ADAMTSL3: variants seen among roughly 807,000 people sequenced by gnomAD.
ADAMTSL3 encodes ADAMTS-like protein 3.
ADAMTSL3 carries 128 observed loss-of-function variants against 201.7 expected under a neutral mutation model. The ratio of observed to expected loss-of-function variants is 0.63; its 90% CI spans 0.55 to 0.73. ADAMTSL3 has a LOEUF of 0.73. Among genes scored for constraint, ADAMTSL3 ranks in the 30% least tolerant of loss-of-function variants. The pLI, the probability that ADAMTSL3 is intolerant of heterozygous loss-of-function variation, is 0.00. For synonymous variants in ADAMTSL3, 738 were observed against 748.4 expected (o/e 0.99, Z 0.23); for missense variants, 1,990 against 2,119.6 (o/e 0.94, Z 1.20).
At position 83,696,698 on chromosome 15, in the gene ADAMTSL3, CTGGAT is replaced by C. The variant is rs765776359; in HGVS notation, c.70-7690_70-7686del. ...ATAATTGGGCAAATTTGCCATCAGC[CTGGAT>C]AGGTAGAGGGCTCAGGCCTCAGCCC... On this transcript the variant is annotated intron_variant, in intron 2 of 29. Transcript: ENST00000286744. Among the ~76,000 whole-genome samples the C allele has an allele frequency of 2.8e-3, 428 of 152,272 alleles. 2 individuals carry two copies. The highest frequency in any genetic ancestry group is 4.7e-3 in the Non-Finnish European group (319 of 68,026).
chr15:83,989,709 A>G (rs939025183), intron 22 of ADAMTSL3, among the ~76,000 whole-genome samples: 1 of 152,252 alleles, frequency 6.6e-6, no homozygotes, highest in African/African-American at 2.4e-5. Context: ...GGCACAAAGT[A>G]TGCTTCCTGA....
intron 23 of ADAMTSL3, among the ~76,000 whole-genome samples, chr15:83,995,026 A>G (rs1012452856): frequency 1.3e-5 from 2 of 152,190 alleles, no homozygotes; most frequent in Non-Finnish European, 2.9e-5. Context: ...AGTCTCACCA[A>G]GCCCCCTTGA....
intron 5 of ADAMTSL3, among the ~76,000 whole-genome samples, chr15:83,811,322 A>G (rs1274557854): frequency 6.6e-6 from 1 of 152,212 alleles, no homozygotes; most frequent in African/African-American, 2.4e-5. Context: ...ATTTCAAAAC[A>G]GTATGATTTC....
In ADAMTSL3 at chr15:83,726,847, A is replaced by G. The variant is rs188238431; in HGVS notation, c.189+22339A>G. Among the ~76,000 whole-genome samples the G allele has an allele frequency of 4.8e-4, 73 of 151,606 alleles. 1 individual carries two copies. In the East Asian group the frequency reaches 0.013, roughly 27 times the overall value. ...GTGTTAATCAGGGGTATTGGCCTGT[A>G]GTTTTCTTTTTTCTTTTTTTTTTGT... On this transcript the variant is annotated intron_variant, in intron 3 of 29. Coordinates refer to ENST00000286744, the MANE Select transcript of ADAMTSL3 (RefSeq NM_207517.3).
intron 6 of ADAMTSL3, among the ~76,000 whole-genome samples, chr15:83,828,137 T>C (rs1271262445): frequency 6.6e-6 from 1 of 152,224 alleles, no homozygotes; most frequent in Non-Finnish European, 1.5e-5. Context: ...ATTTTCACGA[T>C]ATTGATTCTT....
At chr15:83,910,649 T>C (rs1403218701) in intron 15 of ADAMTSL3, among the ~76,000 whole-genome samples, 1 of 151,104 alleles carries the variant, frequency 6.6e-6, no homozygotes, top group Non-Finnish European at 1.5e-5. Context: ...TTTTTTTTTT[T>C]TTTGAGATGG....
chr15:83,840,282 TG>T (rs1345511956), intron 7 of ADAMTSL3, among the ~76,000 whole-genome samples: 1 of 152,204 alleles, frequency 6.6e-6, no homozygotes, highest in African/African-American at 2.4e-5. Context: ...CAATGTTAAA[TG>T]CTTTTATGAG....
chr15:84,037,182 C>T (rs929813899), intron 29 of ADAMTSL3, among the ~76,000 whole-genome samples, 195 bp downstream of exon 29: 1 of 152,134 alleles, frequency 6.6e-6, no homozygotes, highest in African/African-American at 2.4e-5. Flanking sequence ...TGCATGTTCT[C>T]TAGAGAAAAG....
chr15:83,731,249 G>A (rs1596105251), intron 3 of ADAMTSL3, among the ~76,000 whole-genome samples: 1 of 151,900 alleles, frequency 6.6e-6, no homozygotes, highest in East Asian at 1.9e-4. Flanking sequence ...TTAAAAAATG[G>A]GCAAATGGCA....
In ADAMTSL3 at chr15:84,016,555, G is replaced by T. The variant is rs142048587; in HGVS notation, c.4273+56G>T. ...ATGTGTGAGGCATGTGTAAGGAAAA[G>T]GATTTAGCTAAAAGACCATCTGTAT... On this transcript the variant is annotated intron_variant, in intron 25 of 29. Coordinates refer to ENST00000286744, the MANE Select transcript of ADAMTSL3 (RefSeq NM_207517.3). 6,335 of 1,392,786 alleles carry T rather than the reference G, an allele frequency of 4.5e-3. 26 individuals carry two copies. The highest frequency in any genetic ancestry group is 0.012 in the South Asian group (1,022 of 82,922). 86.3% of individuals were successfully genotyped at this position (1,392,786 alleles called of 1,614,324 possible). A position where few individuals can be genotyped will look rare whatever the true frequency, so the allele number is the denominator to read the frequency against.
chr15:83,936,046 G>A (rs1355451003), intron 17 of ADAMTSL3, among the ~76,000 whole-genome samples: 2 of 151,986 alleles, frequency 1.3e-5, no homozygotes. Flanking sequence ...CAGAAGGAAG[G>A]TCTGAGATAT....
intron 19 of ADAMTSL3, among the ~76,000 whole-genome samples, chr15:83,951,042 A>G (rs1261838359): frequency 1.4e-5 from 2 of 146,090 alleles, no homozygotes; most frequent in Non-Finnish European, 3.0e-5. Flanking sequence ...AACTAGGACT[A>G]CTAGGACTAT....
chr15:83,657,208 C>T (rs577957397), intron 2 of ADAMTSL3, among the ~76,000 whole-genome samples: 23 of 92,650 alleles, frequency 2.5e-4, no homozygotes, highest in African/African-American at 1.1e-3. Context: ...GGGGCTGAGG[C>T]TTCAAGGCAC....
At chr15:83,857,639 A>C (rs1040552177) in intron 7 of ADAMTSL3, among the ~76,000 whole-genome samples, 1 of 152,234 alleles carries the variant, frequency 6.6e-6, no homozygotes, top group Non-Finnish European at 1.5e-5. Context: ...AGAAGTGATT[A>C]TCTCTGGGCA....
chr15:83,778,419 C>T (rs893128454), intron 4 of ADAMTSL3, among the ~76,000 whole-genome samples: 1 of 152,210 alleles, frequency 6.6e-6, no homozygotes, highest in East Asian at 1.9e-4. Context: ...TAACAGCAGA[C>T]TTCTCAGCTG....
chr15:83,703,148 C>A (rs1044715171), intron 2 of ADAMTSL3, among the ~76,000 whole-genome samples: 6 of 152,224 alleles, frequency 3.9e-5, no homozygotes, highest in Non-Finnish European at 7.4e-5. Context: ...TTTGTTTTGG[C>A]CAATTTCTCC....
In ADAMTSL3 at chr15:84,016,608, T is replaced by C. The variant is rs1035933269; in HGVS notation, c.4273+109T>C. On this transcript the variant is annotated intron_variant, in intron 25 of 29. Coordinates refer to ENST00000286744, the MANE Select transcript of ADAMTSL3 (RefSeq NM_207517.3). ...TTCACTTTGCAATATGTAAAATTAT[T>C]TCTAGGCATTTGGCCAGCCTTTTTC... 3 of 916,718 alleles carry C rather than the reference T, an allele frequency of 3.3e-6. No homozygotes were observed. The African/African-American group carries it at 5.0e-5, about 15-fold the overall frequency. 56.8% of individuals were successfully genotyped at this position (916,718 alleles called of 1,614,324 possible).
intron 20 of ADAMTSL3, among the ~76,000 whole-genome samples, chr15:83,973,050 C>A (rs1161088469): frequency 6.6e-6 from 1 of 152,158 alleles, no homozygotes; most frequent in Non-Finnish European, 1.5e-5. Context: ...GGACACACCA[C>A]CACCAGGACC....
intron 19 of ADAMTSL3, among the ~76,000 whole-genome samples, chr15:83,958,877 C>T (rs1015752404): frequency 6.6e-6 from 1 of 151,866 alleles, no homozygotes; most frequent in Non-Finnish European, 1.5e-5. Context: ...CTAGAAGAAA[C>T]TCAAGAATGA....
Sources: gnomAD v4.1 joint callset for allele counts (sites outside exome capture counted in the v4.1 genomes callset) on GRCh38, gnomAD v4.1.1 for gene constraint, MANE v1.5 for transcripts, NCBI Gene and HGNC (gene_info 2026-07-23, HGNC 2026-07-21) for gene names.